Variants in GLOD4 observed in about 807,000 individuals in gnomAD.
GLOD4 encodes the protein glyoxalase domain containing 4, also known as glyoxalase domain-containing protein 4.
GLOD4 carries 44 observed loss-of-function variants against 39.1 expected under a neutral mutation model. The ratio of observed to expected loss-of-function variants is 1.13; its 90% CI spans 0.88 to 1.45. The LOEUF (loss-of-function observed/expected upper bound fraction) is 1.45, where lower values mean the gene tolerates loss of function less well. GLOD4 is among the 40% of genes most tolerant of loss of function. GLOD4 has a pLI of 0.00. For missense variants in GLOD4, 405 were observed against 366.4 expected, an observed-to-expected ratio of 1.11 and a Z score of -0.86; for synonymous variants, 145 against 135.0, an observed-to-expected ratio of 1.07 and a Z score of -0.52.
At chr17:781,439 A>G (rs1484582721) in intron 1 of GLOD4, among the ~76,000 whole-genome samples, 1 of 152,206 alleles carries the variant, frequency 6.6e-6, no homozygotes, top group Non-Finnish European at 1.5e-5. Context: ...TTTGTTGCCA[A>G]AACTCAACGT....
At chr17:768,177 C>A (rs1480651768) in intron 8 of GLOD4, among the ~76,000 whole-genome samples, 1 of 147,134 alleles carries the variant, frequency 6.8e-6, no homozygotes, top group Admixed American at 6.8e-5. Flanking sequence ...GAGAGAGAAA[C>A]GGCGCACACT....
intron 8 of GLOD4, 146 bp downstream of exon 8, chr17:769,723 C>T (rs1394977572): frequency 4.7e-6 from 3 of 642,232 alleles, no homozygotes; most frequent in Admixed American, 2.4e-5. Context: ...GTGAAGACAT[C>T]GGTCCTTGGC....
At chr17:773,421 T>C (rs899624151) in intron 4 of GLOD4, among the ~76,000 whole-genome samples, 3 of 152,218 alleles carry the variant, frequency 2.0e-5, no homozygotes, top group Non-Finnish European at 4.4e-5. Context: ...TACAGAAATG[T>C]ATACACTTAA....
At chr17:768,048 G>C (rs1907019427) in intron 8 of GLOD4, among the ~76,000 whole-genome samples, 1 of 150,234 alleles carries the variant, frequency 6.7e-6, no homozygotes, top group Non-Finnish European at 1.5e-5. Context: ...AATCTGGAGA[G>C]GACGTGAGAG....
At chr17:770,728 A>G in intron 5 of GLOD4, 2 of 420,978 alleles carry the variant, frequency 4.8e-6, no homozygotes, top group Non-Finnish European at 8.5e-6. Context: ...GGTATAATTT[A>G]CAAATTATTC....
chr17:775,049 G>A (rs1443501370), intron 4 of GLOD4, among the ~76,000 whole-genome samples: 2 of 148,460 alleles, frequency 1.3e-5, no homozygotes, highest in Admixed American at 6.8e-5. Context: ...TAGCCTGGGC[G>A]ACAGAGCAAG....
At position 769,971 on chromosome 17, in the gene GLOD4, G is replaced by GAA. The variant is rs765424101; in HGVS notation, c.745-18_745-17dup. On this transcript the variant is annotated splice_polypyrimidine_tract_variant and intron_variant, in intron 7 of 8. Transcript: ENST00000301329. ...CATGTCCGTCCTACACCAATAAAGA[G>GAA]AAAAGACACCTGCCAAAGACATCCT... is the stretch of plus-strand genomic sequence containing the variant. 3.1e-6 allele frequency: 5 copies of GAA among 1,590,238 alleles called. No individual in the cohort carries two copies. The African/African-American group carries it at 5.4e-5, about 17-fold the overall frequency.
At chr17:777,922 C>G (rs143387497) in intron 2 of GLOD4, among the ~76,000 whole-genome samples, 55 of 152,250 alleles carry the variant, frequency 3.6e-4, no homozygotes, top group African/African-American at 1.2e-3. Flanking sequence ...GAGGACTGAA[C>G]TTTCAGTCCC....
At chr17:767,803 C>CA (rs1372416653) in intron 8 of GLOD4, among the ~76,000 whole-genome samples, 1 of 136,700 alleles carries the variant, frequency 7.3e-6, no homozygotes, top group African/African-American at 2.8e-5. Flanking sequence ...AGCGCGCACT[C>CA]AGATTTTTAG....
chr17:775,858 G>A lies in GLOD4; in HGVS notation c.323C>T (p.Thr108Met), dbSNP rs2295476. The change falls in exon 4 of 9, where the codon ACG (threonine) becomes ATG (methionine). Residue 108 changes from threonine to methionine, a missense_variant. By Grantham distance (81) the Thr-to-Met change is moderately conservative. Transcript: ENST00000301329. ...SNARKLEWPL[T>M]EVAEGVFETE... ...TTCAAAAACACCTTCTGCAACTTCC[G>A]TCAGTGGCCACTCCAGCTTCCTGGC... The A allele has an allele frequency of 4.3e-5, 69 of 1,613,140 alleles. 1 individual carries two copies. In the East Asian group the frequency reaches 1.2e-3, roughly 28 times the overall value.
At chr17:783,036 A>G (rs757318944), upstream of GLOD4, 3 of 1,557,550 alleles carry the variant, frequency 1.9e-6, no homozygotes, top group Non-Finnish European at 2.6e-6. Context: ...TCTCAGTAAC[A>G]AGGATGTTGA....
Position 770,049 on chromosome 17 carries a change from C to A in GLOD4, c.739G>T (p.Asp247Tyr). 2 of 1,600,750 alleles carry A rather than the reference C, an allele frequency of 1.2e-6. No homozygotes were observed. The highest frequency in any genetic ancestry group is 1.7e-6 in the Non-Finnish European group (2 of 1,167,852). Reference sequence around the variant, plus strand: ...CCTGCCTGAGAAATACTTACAGGGTCGGCCAGAATGACCACCTGTACTGTT... The same window carrying A: ...CCTGCCTGAGAAATACTTACAGGGTAGGCCAGAATGACCACCTGTACTGTT... The part of the protein sequence containing the change: ...KATVQVVILA[D>Y]PDGHEICFVG... Residue 247 changes from aspartate (D) to tyrosine (Y), a missense_variant, in exon 7 of 9, where the codon GAC (aspartate) becomes TAC (tyrosine). Physicochemically the swap from Asp to Tyr is radical, Grantham distance 160. Transcript: ENST00000301329.
At position 770,068 on chromosome 17, in the gene GLOD4, T is replaced by TA. The variant is rs1443700954; in HGVS notation, c.719dup (p.Gln241ThrfsTer9). 6.2e-7 allele frequency: 1 copy of TA among 1,610,486 alleles called. No homozygotes were observed. Among genetic ancestry groups the TA allele is most frequent in the African/African-American group, 1.3e-5 (1 of 74,950 alleles). On this transcript the variant is annotated frameshift_variant, in exon 7 of 9. Coordinates refer to ENST00000301329, the MANE Select transcript of GLOD4 (RefSeq NM_016080.4). LOFTEE classifies it high-confidence loss of function. ...CAGGGTCGGCCAGAATGACCACCTG[T>TA]ACTGTTGCTTTCCCTGGGGTGTCCA... is the stretch of plus-strand genomic sequence containing the variant.
rs774955627 is a variant in GLOD4, at chr17:770,401, G to C, written c.630+20C>G. 4 of 1,275,348 alleles carry C rather than the reference G, an allele frequency of 3.1e-6. No homozygotes were observed. In the South Asian group the frequency reaches 3.6e-5, roughly 11 times the overall value. 79.0% of individuals were successfully genotyped at this position (1,275,348 alleles called of 1,614,324 possible). ...AACTAGCTAGTCAGAAAGCTCAAAC[G>C]ATCTGGTATCAAGCGTTACCTCTTT... On this transcript the variant is annotated intron_variant, in intron 6 of 8. Transcript: ENST00000301329.
chr17:768,375 A>G (rs914156917), intron 8 of GLOD4, among the ~76,000 whole-genome samples: 8 of 139,916 alleles, frequency 5.7e-5, no homozygotes, highest in East Asian at 2.2e-4. Context: ...AGAAGAAGAA[A>G]TCTGGAGAGG....
intron 8 of GLOD4, among the ~76,000 whole-genome samples, chr17:761,848 A>T (rs995394517): frequency 2.0e-5 from 3 of 152,184 alleles, no homozygotes; most frequent in Admixed American, 1.3e-4. Context: ...GTAAAAGAGG[A>T]GAGGGAAAAA....
In GLOD4 at chr17:760,056, A is replaced by C; in HGVS notation, c.*117T>G. ...TGAAATACACAAATCTGCACTACCCAAGCCTCCTTGCCTGTACGGGAAACA... is the reference window on the plus strand; with the variant it reads ...TGAAATACACAAATCTGCACTACCCCAGCCTCCTTGCCTGTACGGGAAACA... On this transcript the variant is annotated 3_prime_UTR_variant, in exon 9 of 9. Transcript: ENST00000301329. 1 of 709,526 alleles carries C rather than the reference A, an allele frequency of 1.4e-6. No homozygotes were observed. The highest frequency in any genetic ancestry group is 2.6e-6 in the Non-Finnish European group (1 of 388,408). 44.0% of individuals were successfully genotyped at this position (709,526 alleles called of 1,614,324 possible).
Position 782,226 on chromosome 17 carries a change from T to C in GLOD4, c.30A>G (p.Val10=). Residue 10 remains valine (V), a synonymous_variant, in exon 1 of 9, where the codon GTA becomes GTG. Transcript: ENST00000301329. MAARRALHF[V]FKVGNRFQTA... ...TCTGGAAGCGGTTTCCCACTTTGAA[T>C]ACGAAGTGCAGAGCTCTGCGAGCAG... is the stretch of plus-strand genomic sequence containing the variant. 7 of 1,613,514 alleles carry C rather than the reference T, an allele frequency of 4.3e-6. No homozygotes were observed. The highest frequency in any genetic ancestry group is 5.9e-6 in the Non-Finnish European group (7 of 1,179,732).
intron 1 of GLOD4, among the ~76,000 whole-genome samples, chr17:779,334 A>G (rs1454603668): frequency 6.7e-6 from 1 of 148,480 alleles, no homozygotes; most frequent in Non-Finnish European, 1.5e-5. Flanking sequence ...AAAAAAAAAA[A>G]AAAAAAAAAA....
Sources: allele counts gnomAD v4.1 joint callset (sites outside exome capture counted in the v4.1 genomes callset), GRCh38; gene constraint gnomAD v4.1.1; transcripts MANE v1.5; gene names NCBI Gene and HGNC (gene_info 2026-07-23, HGNC 2026-07-21).